The following RBBP5 variants were observed in gnomAD, a reference collection of about 807,000 sequenced individuals.
RBBP5 encodes retinoblastoma-binding protein 5.
RBBP5 carries 5 observed loss-of-function variants against 72.2 expected under a neutral mutation model. The ratio of observed to expected loss-of-function variants is 0.07; its 90% confidence interval spans 0.04 to 0.15. The LOEUF is 0.15. Ranked by LOEUF, RBBP5 falls within the 10% of genes least tolerant of loss-of-function variation. The pLI is 1.00. For synonymous variants in RBBP5, 209 were observed against 237.2 expected (o/e 0.88, Z 1.09); for missense variants, 322 against 652.2 (o/e 0.49, Z 5.51).
chr1:205,118,166 C>T (rs4509642), intron 1 of RBBP5, among the ~76,000 whole-genome samples: 1 of 152,120 alleles, frequency 6.6e-6, no homozygotes, highest in African/African-American at 2.4e-5. Flanking sequence ...TTGTGGTTCC[C>T]TATTATACAC....
chr1:205,121,930 C>A lies in RBBP5; in HGVS notation c.-57G>T, dbSNP rs1309805391. On this transcript the variant is annotated 5_prime_UTR_variant, in exon 1 of 14. Coordinates refer to ENST00000264515, the MANE Select transcript of RBBP5 (RefSeq NM_005057.4). ...CCGGCAACAACACCTTCTCCCCGGC[C>A]GGCTTCAGCAACTTGCGTCTAAGTG... is the stretch of plus-strand genomic sequence containing the variant. 2 of 1,604,314 alleles carry A rather than the reference C, an allele frequency of 1.2e-6. No individual in the cohort carries two copies. The highest frequency in any genetic ancestry group is 1.7e-6 in the Non-Finnish European group (2 of 1,179,576).
intron 3 of RBBP5, among the ~76,000 whole-genome samples, chr1:205,105,725 C>T (rs2102300271): frequency 6.6e-6 from 1 of 152,306 alleles, no homozygotes; most frequent in East Asian, 1.9e-4. Flanking sequence ...GTAGTGAAAT[C>T]CCTGAATTTT....
At chr1:205,104,554 C>T (rs758066386) in intron 4 of RBBP5, among the ~76,000 whole-genome samples, 1 of 140,276 alleles carries the variant, frequency 7.1e-6, no homozygotes, top group Non-Finnish European at 1.5e-5. Context: ...AAAAAAAACG[C>T]ATTCAGGGCC....
At chr1:205,118,887 G>T (rs1343469220) in intron 1 of RBBP5, among the ~76,000 whole-genome samples, 1 of 152,184 alleles carries the variant, frequency 6.6e-6, no homozygotes, top group Non-Finnish European at 1.5e-5. Context: ...CTACCTATGA[G>T]CCACTTGTCT....
chr1:205,116,228 C>A, intron 1 of RBBP5: 1 of 410,584 alleles, frequency 2.4e-6, no homozygotes, highest in South Asian at 2.3e-5. Context: ...TCACTAAATA[C>A]TTTGTTTTTG....
Position 205,099,122 on chromosome 1 carries a change from T to C in RBBP5, c.979-16A>G, listed in dbSNP as rs1280728893. On this transcript the variant is annotated splice_polypyrimidine_tract_variant and intron_variant, in intron 9 of 13. Coordinates refer to ENST00000264515, the MANE Select transcript of RBBP5 (RefSeq NM_005057.4). This position sits in a 1 kb window ranked among gnomAD's most constrained non-coding sequence, Gnocchi z 4.7. ...TCCAGTTTTCCTATACAACAAGATA[T>C]ACTACTTAACCATATGTGAAAGCAA... The C allele has an allele frequency of 4.7e-6, 7 of 1,478,092 alleles. No individual in the cohort carries two copies. The highest frequency in any genetic ancestry group is 4.2e-5 in the African/African-American group (3 of 71,598). 91.6% of individuals were successfully genotyped at this position (1,478,092 alleles called of 1,614,324 possible).
intron 6 of RBBP5, among the ~76,000 whole-genome samples, chr1:205,100,936 T>G (rs1333136486): frequency 6.6e-6 from 1 of 152,146 alleles, no homozygotes; most frequent in Non-Finnish European, 1.5e-5. Context: ...GTGTACAACC[T>G]AGATCCCTCA....
intron 3 of RBBP5, among the ~76,000 whole-genome samples, chr1:205,109,761 A>G (rs905701569): frequency 1.3e-5 from 2 of 152,316 alleles, no homozygotes; most frequent in African/African-American, 4.8e-5. Flanking sequence ...TAGGAATTAT[A>G]CTTTTTCACA....
chr1:205,099,641 A>G lies in RBBP5; in HGVS notation c.978+100T>C, dbSNP rs1655746199. ...AATTTAGGTTGCGAGAATCATATGC[A>G]AAAGAAAATAAAAATGTAATTTTTA... On this transcript the variant is annotated intron_variant, in intron 9 of 13. Transcript: ENST00000264515. The surrounding 1 kb of genome is among the most constrained non-coding windows in gnomAD (Gnocchi z 4.7). The G allele has an allele frequency of 5.5e-6, 7 of 1,273,788 alleles. No homozygotes were observed. The Admixed American group carries it at 1.6e-4, about 29-fold the overall frequency. 78.9% of individuals were successfully genotyped at this position (1,273,788 alleles called of 1,614,324 possible).
chr1:205,115,849 T>C lies in RBBP5; in HGVS notation c.45+9A>G. ...TGTTCCTAAAATCACCACAATACTA[T>C]ACTCTTACCTCTGGATAGTTCTGCC... On this transcript the variant is annotated intron_variant, in intron 2 of 13. Coordinates refer to ENST00000264515, the MANE Select transcript of RBBP5 (RefSeq NM_005057.4). 6.2e-7 allele frequency: 1 copy of C among 1,604,402 alleles called. No individual in the cohort carries two copies. The highest frequency in any genetic ancestry group is 8.5e-7 in the Non-Finnish European group (1 of 1,176,650).
At chr1:205,092,432 A>C (rs562732436) in intron 13 of RBBP5, among the ~76,000 whole-genome samples, 2 of 151,656 alleles carry the variant, frequency 1.3e-5, no homozygotes, top group Non-Finnish European at 2.9e-5. Context: ...TACAGGTGTG[A>C]GCCATTGCAC....
At chr1:205,094,587 G>A (rs1407730228) in intron 13 of RBBP5, among the ~76,000 whole-genome samples, 1 of 152,198 alleles carries the variant, frequency 6.6e-6, no homozygotes, top group Non-Finnish European at 1.5e-5. Context: ...TCTGAGGAAA[G>A]CTATGGACAT....
At chr1:205,103,820 T>C (rs1239420967) in intron 5 of RBBP5, 37 bp downstream of exon 5, 4 of 1,592,454 alleles carry the variant, frequency 2.5e-6, no homozygotes, top group African/African-American at 1.3e-5. Context: ...AATGAGCCAG[T>C]GTACAAGATG....
At position 205,114,720 on chromosome 1, in the gene RBBP5, T is replaced by A. The variant is rs1173040646; in HGVS notation, c.218+69A>T. On this transcript the variant is annotated intron_variant, in intron 3 of 13. Transcript: ENST00000264515. ...AATCTAAGTATTAAAATATCTACAA[T>A]GAGATTTGCAAATATATAGTCATCA... is the stretch of plus-strand genomic sequence containing the variant. The A allele has an allele frequency of 3.1e-6, 4 of 1,302,348 alleles. No homozygotes were observed. In the East Asian group the frequency reaches 1.1e-4, roughly 35 times the overall value. 80.7% of individuals were successfully genotyped at this position (1,302,348 alleles called of 1,614,324 possible).
intron 1 of RBBP5, among the ~76,000 whole-genome samples, chr1:205,117,039 G>C (rs185895713): frequency 6.6e-6 from 1 of 151,270 alleles, no homozygotes; most frequent in Non-Finnish European, 1.5e-5. Context: ...TTTTTCGACC[G>C]GCCTGGTTTT....
intron 2 of RBBP5, among the ~76,000 whole-genome samples, 199 bp from the exon 3 acceptor site, chr1:205,115,160 G>C (rs915280788): frequency 7.2e-5 from 11 of 152,220 alleles, no homozygotes; most frequent in African/African-American, 2.6e-4. Flanking sequence ...ATGGATTCTG[G>C]AAACAGATGT....
At chr1:205,103,441 C>T (rs1655927353) in intron 5 of RBBP5, among the ~76,000 whole-genome samples, 1 of 152,134 alleles carries the variant, frequency 6.6e-6, no homozygotes, top group Non-Finnish European at 1.5e-5. Context: ...AAAGGGCCTA[C>T]ACATTCCAAA....
rs776552872 is a variant in RBBP5, at chr1:205,086,515, G to A, written c.*2272C>T. ...GCCTCCCCAAGTGCTGGGATTACAG[G>A]TGTGAGCCACCATGCCCAGCCCAGA... On this transcript the variant is annotated 3_prime_UTR_variant, in exon 14 of 14. Coordinates refer to ENST00000264515, the MANE Select transcript of RBBP5 (RefSeq NM_005057.4). 2 of 152,198 alleles carry A rather than the reference G, an allele frequency of 1.3e-5. No individual in the cohort carries two copies. The highest frequency in any genetic ancestry group is 2.9e-5 in the Non-Finnish European group (2 of 68,082). The allele number at this position is 152,198 out of a possible 1,614,324, so 9.4% of individuals were successfully genotyped here.
At chr1:205,092,696 C>T (rs1431995206) in intron 13 of RBBP5, among the ~76,000 whole-genome samples, 6 of 152,138 alleles carry the variant, frequency 3.9e-5, no homozygotes, top group Non-Finnish European at 8.8e-5. Context: ...TCTCAAAGTG[C>T]TGGGATTATA....
Sources: gnomAD v4.1 joint callset for allele counts (sites outside exome capture counted in the v4.1 genomes callset) on GRCh38, gnomAD v4.1.1 for gene constraint, Gnocchi (gnomAD v3.1) non-coding constraint, MANE v1.5 for transcripts, NCBI Gene and HGNC (gene_info 2026-07-23, HGNC 2026-07-21) for gene names.